The following XRCC4 variants were observed in gnomAD, a reference collection of about 807,000 sequenced individuals.
XRCC4 encodes X-ray repair cross complementing 4, also known as DNA repair protein XRCC4.
Under a neutral mutation model 39.1 loss-of-function variants are expected in XRCC4, and 28 were observed. The observed-to-expected ratio is 0.72, with a 90% CI of 0.53 to 0.98. XRCC4 has a LOEUF of 0.98. Ranked by LOEUF, XRCC4 falls within the 50% of genes least tolerant of loss-of-function variation. The pLI is 0.00. For synonymous variants in XRCC4, 123 were observed against 126.4 expected (o/e 0.97, Z 0.18); for missense variants, 350 against 376.4 (o/e 0.93, Z 0.58).
chr5:83,365,248 A>G, the XRCC4 span, among the ~76,000 whole-genome samples: 1 of 152,168 alleles, frequency 6.6e-6, no homozygotes, highest in Non-Finnish European at 1.5e-5. Context: ...ATGGACATCC[A>G]TCTTCAGTGG....
chr5:83,285,488 T>C (rs1754701538), intron 7 of XRCC4, among the ~76,000 whole-genome samples: 1 of 152,182 alleles, frequency 6.6e-6, no homozygotes, highest in Admixed American at 6.6e-5. Context: ...GAAGAGTCGC[T>C]GCTGTTTCAT....
intron 3 of XRCC4, among the ~76,000 whole-genome samples, chr5:83,131,180 C>T (rs1035612492): frequency 1.1e-4 from 16 of 152,282 alleles, no homozygotes; most frequent in Admixed American, 3.3e-4. Flanking sequence ...TCTTTGTTCT[C>T]ATTGGTTTCA....
At chr5:83,181,809 A>G (rs1404307792) in intron 3 of XRCC4, among the ~76,000 whole-genome samples, 3 of 152,160 alleles carry the variant, frequency 2.0e-5, no homozygotes, top group Non-Finnish European at 2.9e-5. Context: ...GTGGAGCTCA[A>G]ACTTGGACCT....
chr5:83,363,531 C>T, the XRCC4 span, among the ~76,000 whole-genome samples: 5,593 of 152,148 alleles, frequency 0.037, 328 homozygotes, highest in African/African-American at 0.13. Context: ...CTGTGTAATC[C>T]GCCGATGCTA....
At chr5:83,190,572 A>G (rs147537206) in intron 3 of XRCC4, among the ~76,000 whole-genome samples, 2,282 of 152,282 alleles carry the variant, frequency 0.015, 75 homozygotes, top group African/African-American at 0.052. Flanking sequence ...AAGTTTATGT[A>G]GTCTACTTTG....
intron 6 of XRCC4, among the ~76,000 whole-genome samples, chr5:83,246,602 A>G (rs1753111150): frequency 6.6e-6 from 1 of 152,138 alleles, no homozygotes; most frequent in Non-Finnish European, 1.5e-5. Context: ...CAACATGATG[A>G]ATCATTTTTC....
chr5:83,343,469 T>C (rs1756823664), intron 7 of XRCC4, among the ~76,000 whole-genome samples: 1 of 152,098 alleles, frequency 6.6e-6, no homozygotes, highest in Admixed American at 6.6e-5. Flanking sequence ...TCTTCTCAAC[T>C]CCAGATAATT....
At position 83,261,773 on chromosome 5, in the gene XRCC4, A is replaced by G. The variant is rs549704591; in HGVS notation, c.893+3096A>G. On this transcript the variant is annotated intron_variant, in intron 7 of 7. Transcript: ENST00000396027. ...TTTAACTCTTCACCACTTTCAAAAC[A>G]TGAATATGATTTAGCAATAAAATAC... is the stretch of plus-strand genomic sequence containing the variant. Among the ~76,000 whole-genome samples the G allele has an allele frequency of 2.4e-4, 36 of 152,144 alleles. 1 individual carries two copies. The highest frequency in any genetic ancestry group is 3.4e-3 in the Middle Eastern group (1 of 294).
At chr5:83,201,587 A>G (rs1462783482) in intron 4 of XRCC4, 1 of 152,296 alleles carries the variant, frequency 6.6e-6, no homozygotes, top group East Asian at 1.9e-4. Context: ...TACTGCTGGA[A>G]GCTTATCCTC....
chr5:83,230,650 A>G (rs1340135201), intron 6 of XRCC4, among the ~76,000 whole-genome samples: 1 of 152,002 alleles, frequency 6.6e-6, no homozygotes, highest in Non-Finnish European at 1.5e-5. Context: ...ATATTCAAAA[A>G]CAAGTTTTTA....
intron 1 of XRCC4, among the ~76,000 whole-genome samples, chr5:83,088,612 G>C (rs1371984865): frequency 6.6e-6 from 1 of 152,098 alleles, no homozygotes; most frequent in African/African-American, 2.4e-5. Context: ...AAAGTAGTGT[G>C]GCTTCATTTG....
At chr5:83,119,561 C>CTT (rs1313327060) in intron 3 of XRCC4, among the ~76,000 whole-genome samples, 2 of 150,942 alleles carry the variant, frequency 1.3e-5, no homozygotes, top group Non-Finnish European at 3.0e-5. Context: ...GACCCATTTT[C>CTT]TTTCTTGCTT....
intron 7 of XRCC4, among the ~76,000 whole-genome samples, chr5:83,295,876 C>T (rs1755078378): frequency 6.6e-6 from 1 of 151,990 alleles, no homozygotes; most frequent in Non-Finnish European, 1.5e-5. Flanking sequence ...AAAGAGGGAA[C>T]TGTGTTATTT....
chr5:83,221,487 C>G (rs977689232), intron 6 of XRCC4, among the ~76,000 whole-genome samples: 6 of 152,084 alleles, frequency 3.9e-5, no homozygotes, highest in African/African-American at 1.4e-4. Flanking sequence ...AAATAGAACA[C>G]TCTAATTTAT....
chr5:83,137,260 T>G (rs1747944544), intron 3 of XRCC4, among the ~76,000 whole-genome samples: 1 of 152,158 alleles, frequency 6.6e-6, no homozygotes, highest in African/African-American at 2.4e-5. Context: ...TATATATGAA[T>G]GAAGAACAGA....
chr5:83,262,398 T>G lies in XRCC4; in HGVS notation c.893+3721T>G, dbSNP rs983363978. On this transcript the variant is annotated intron_variant, in intron 7 of 7. Coordinates refer to ENST00000396027, the MANE Select transcript of XRCC4 (RefSeq NM_003401.5). ...TGGAATTGTGTTCCAGATTTGTGAGTGCACTATTATATGTGGGAATGGATT... is the reference window on the plus strand; with the variant it reads ...TGGAATTGTGTTCCAGATTTGTGAGGGCACTATTATATGTGGGAATGGATT... Among the ~76,000 whole-genome samples the G allele has an allele frequency of 5.9e-4, 90 of 152,108 alleles. 1 individual carries two copies. Among genetic ancestry groups the G allele is most frequent in the Admixed American group, 4.6e-4 (7 of 15,240 alleles).
chr5:83,262,247 C>A (rs1174665910), intron 7 of XRCC4, among the ~76,000 whole-genome samples: 1 of 152,110 alleles, frequency 6.6e-6, no homozygotes, highest in African/African-American at 2.4e-5. Flanking sequence ...GTGTTTTATT[C>A]CAGAGTTTGT....
At chr5:83,302,005 C>T (rs74820103) in intron 7 of XRCC4, among the ~76,000 whole-genome samples, 3,009 of 152,114 alleles carry the variant, frequency 0.02, 83 homozygotes, top group African/African-American at 0.069. Context: ...TTTGTTTACC[C>T]TGTGAGGGGA....
intron 7 of XRCC4, among the ~76,000 whole-genome samples, chr5:83,290,600 C>A (rs961661776): frequency 5.3e-5 from 8 of 151,366 alleles, no homozygotes; most frequent in Admixed American, 1.3e-4. Context: ...TTAAAAGAAT[C>A]TGTTTCACTT....
Sources: gnomAD v4.1 joint callset for allele counts (sites outside exome capture counted in the v4.1 genomes callset) on GRCh38, gnomAD v4.1.1 for gene constraint, MANE v1.5 for transcripts, NCBI Gene and HGNC (gene_info 2026-07-23, HGNC 2026-07-21) for gene names.